Variants in EHMT1 observed in about 807,000 individuals in gnomAD.
EHMT1 encodes the protein histone-lysine N-methyltransferase EHMT1.
A neutral mutation model predicts 147.2 loss-of-function variants in EHMT1; 15 were observed. The observed-to-expected ratio is 0.10, with a 90% confidence interval of 0.07 to 0.16. EHMT1 has a LOEUF of 0.16. Among genes scored for constraint, EHMT1 ranks in the 10% least tolerant of loss-of-function variants. The pLI is 1.00. For missense variants in EHMT1, 1,587 were observed against 1,772.4 expected (o/e 0.90, Z 1.88); for synonymous variants, 795 against 709.6 (o/e 1.12, Z -1.91).
At chr9:137,799,987 G>T (rs1324005577) in intron 17 of EHMT1, among the ~76,000 whole-genome samples, 1 of 152,228 alleles carries the variant, frequency 6.6e-6, no homozygotes, top group African/African-American at 2.4e-5. Context: ...CTGTGGTGGT[G>T]CTGACTGTCG....
intron 1 of EHMT1, among the ~76,000 whole-genome samples, chr9:137,709,962 A>T (rs1328835638): frequency 6.6e-6 from 1 of 152,012 alleles, no homozygotes; most frequent in East Asian, 1.9e-4. Flanking sequence ...GGCATCTCCA[A>T]CTGCCCAGAG....
intron 16 of EHMT1, among the ~76,000 whole-genome samples, chr9:137,796,806 G>T (rs1360726077): frequency 1.4e-4 from 19 of 135,374 alleles, no homozygotes; most frequent in Non-Finnish European, 2.2e-4. Flanking sequence ...CCAACAAGCA[G>T]ATGAAAACAC....
intron 8 of EHMT1, among the ~76,000 whole-genome samples, chr9:137,756,988 G>A (rs1478973380): frequency 6.6e-6 from 1 of 152,202 alleles, no homozygotes; most frequent in African/African-American, 2.4e-5. Context: ...TCCAGTCATT[G>A]AAATAAGATT....
chr9:137,784,609 C>T (rs73578104), intron 15 of EHMT1: 1 of 204,134 alleles, frequency 4.9e-6, no homozygotes, highest in African/African-American at 2.4e-5. Flanking sequence ...TGGTTCCTGT[C>T]AGTCTCACAT....
At chr9:137,741,898 A>G (rs1236572431) in intron 4 of EHMT1, among the ~76,000 whole-genome samples, 1 of 152,246 alleles carries the variant, frequency 6.6e-6, no homozygotes, top group African/African-American at 2.4e-5. Context: ...ATCTGATTAA[A>G]TCCAGGCCTC....
rs1446802402 is a variant in EHMT1 at position 137,762,655 on chromosome 9, A to G, written c.1502-20A>G. ...TGAGGTCAGGATTGCATGAGCTGAC[A>G]TGTGTCTGTGTGACGTTAGGGTTGG... On this transcript the variant is annotated intron_variant, in intron 9 of 26. Transcript: ENST00000460843. The G allele has an allele frequency of 1.2e-6, 2 of 1,614,166 alleles. No homozygotes were observed. The highest frequency in any genetic ancestry group is 2.2e-5 in the South Asian group (2 of 91,084).
chr9:137,642,128 C>T (rs1844534997), intron 1 of EHMT1, among the ~76,000 whole-genome samples: 1 of 152,194 alleles, frequency 6.6e-6, no homozygotes, highest in African/African-American at 2.4e-5. Context: ...GTGTGAGCCA[C>T]TGCGCCCGGC....
At chr9:137,659,760 A>C (rs754899850) in intron 1 of EHMT1, among the ~76,000 whole-genome samples, 15 of 151,618 alleles carry the variant, frequency 9.9e-5, no homozygotes, top group South Asian at 6.3e-4. Context: ...TATTTTTTGC[A>C]GAGATGGGGT....
At chr9:137,763,245 C>T (rs769835382) in intron 10 of EHMT1, 205 of 354,472 alleles carry the variant, frequency 5.8e-4, no homozygotes, top group Non-Finnish European at 9.6e-4. Flanking sequence ...CTCCTTTCAC[C>T]GGGGATCACA....
At chr9:137,778,572 C>G (rs934424893) in intron 13 of EHMT1, among the ~76,000 whole-genome samples, 3 of 152,218 alleles carry the variant, frequency 2.0e-5, no homozygotes, top group African/African-American at 7.2e-5. Flanking sequence ...CTCTGTCTGC[C>G]TCCAGCCTCG....
intron 23 of EHMT1, 28 bp from the exon 24 acceptor site, chr9:137,817,411 G>T: frequency 1.2e-6 from 2 of 1,613,270 alleles, no homozygotes; most frequent in Non-Finnish European, 1.7e-6. Flanking sequence ...GCTGTGGCCT[G>T]GGTTCACCAC....
chr9:137,789,762 T>C (rs1409907174), intron 15 of EHMT1, among the ~76,000 whole-genome samples: 1 of 152,212 alleles, frequency 6.6e-6, no homozygotes, highest in Admixed American at 6.5e-5. Flanking sequence ...CAGAGTTCAC[T>C]TTTGTTGCCC....
chr9:137,635,233 G>A (rs1260064536), intron 1 of EHMT1, among the ~76,000 whole-genome samples: 2 of 151,584 alleles, frequency 1.3e-5, no homozygotes, highest in Non-Finnish European at 2.9e-5. Context: ...TTGAGACAGA[G>A]TCTTGCACTG....
chr9:137,638,891 G>A (rs1290055065), intron 1 of EHMT1, among the ~76,000 whole-genome samples: 1 of 152,132 alleles, frequency 6.6e-6, no homozygotes, highest in East Asian at 1.9e-4. Flanking sequence ...GCCTGGCCGA[G>A]GCAGGGGATG....
chr9:137,779,865 G>C (rs1285806692), intron 14 of EHMT1, 148 bp downstream of exon 14: 10 of 826,746 alleles, frequency 1.2e-5, no homozygotes, highest in Non-Finnish European at 2.0e-5. Context: ...AGTGAGAATA[G>C]GTTGCCCACT....
In EHMT1 at chr9:137,782,746, C is replaced by T. The variant is rs149783911; in HGVS notation, c.2382+349C>T. 2.1e-3 allele frequency among the ~76,000 whole-genome samples: 313 copies of T among 152,288 alleles called. No individual in the cohort carries two copies. The highest frequency in any genetic ancestry group is 3.6e-3 in the Non-Finnish European group (242 of 68,018). Reference sequence around the variant, plus strand: ...CCTCCCCCAGCCCCGTTGACTGGCTCCCATTTTGTTTAGATCAGATCGTGT... The same window carrying T: ...CCTCCCCCAGCCCCGTTGACTGGCTTCCATTTTGTTTAGATCAGATCGTGT... On this transcript the variant is annotated intron_variant, in intron 15 of 26. Coordinates refer to ENST00000460843, the MANE Select transcript of EHMT1 (RefSeq NM_024757.5). This position sits in a 1 kb window ranked among gnomAD's most constrained non-coding sequence, Gnocchi z 5.7.
At position 137,782,008 on chromosome 9, in the gene EHMT1, A is replaced by G. The variant is rs1951595634; in HGVS notation, c.2276-283A>G. On this transcript the variant is annotated intron_variant, in intron 14 of 26. Coordinates refer to ENST00000460843, the MANE Select transcript of EHMT1 (RefSeq NM_024757.5). This position sits in a 1 kb window ranked among gnomAD's most constrained non-coding sequence, Gnocchi z 5.7. ...GGCGGCCATGGCCAGGCCACACAGAAACACAGAAGGAACCTCAGAGTTAGA... is the reference window on the plus strand; with the variant it reads ...GGCGGCCATGGCCAGGCCACACAGAGACACAGAAGGAACCTCAGAGTTAGA... 1.3e-5 allele frequency among the ~76,000 whole-genome samples: 2 copies of G among 152,194 alleles called. No individual in the cohort carries two copies. Among genetic ancestry groups the G allele is most frequent in the South Asian group, 4.1e-4 (2 of 4,832 alleles).
chr9:137,801,728 C>T (rs1473263971), intron 18 of EHMT1, among the ~76,000 whole-genome samples: 2 of 151,902 alleles, frequency 1.3e-5, no homozygotes, highest in Non-Finnish European at 2.9e-5. Flanking sequence ...TGAACCCCGA[C>T]CTCAGGTGAT....
chr9:137,736,047 CTGTCTA>C lies in EHMT1; in HGVS notation c.824-7322_824-7317del, dbSNP rs774326902. 2.7e-3 allele frequency among the ~76,000 whole-genome samples: 406 copies of C among 152,240 alleles called. 2 individuals are homozygous for C. Among genetic ancestry groups the C allele is most frequent in the Non-Finnish European group, 4.1e-3 (280 of 68,016 alleles). ...AAAAAACAGATGATCCTACTACATG[CTGTCTA>C]TAAGAGACCCACCTTAGATCCAAAG... On this transcript the variant is annotated intron_variant, in intron 4 of 26. Transcript: ENST00000460843.
Sources: allele counts gnomAD v4.1 joint callset (sites outside exome capture counted in the v4.1 genomes callset), GRCh38; gene constraint gnomAD v4.1.1; non-coding constraint Gnocchi (gnomAD v3.1); transcripts MANE v1.5; gene names NCBI Gene and HGNC (gene_info 2026-07-23, HGNC 2026-07-21).